The following TENM2 variants were observed in gnomAD, a reference collection of about 807,000 sequenced individuals.
TENM2 encodes the protein teneurin transmembrane protein 2.
In TENM2, 52 loss-of-function variants were observed where a neutral mutation model predicts 245.2. The ratio of observed to expected loss-of-function variants is 0.21; its 90% CI spans 0.17 to 0.27. The LOEUF (loss-of-function observed/expected upper bound fraction) is 0.27. Ranked by LOEUF, TENM2 falls within the 10% of genes least tolerant of loss-of-function variation. TENM2 has a pLI of 1.00. For synonymous variants in TENM2, 1,363 were observed against 1,438.9 expected (o/e 0.95, Z 1.19); for missense variants, 3,046 against 3,666.8 (o/e 0.83, Z 4.37).
At chr5:167,558,892 A>C (rs1276879779) in intron 2 of TENM2, among the ~76,000 whole-genome samples, 3 of 152,122 alleles carry the variant, frequency 2.0e-5, no homozygotes, top group Non-Finnish European at 4.4e-5. Flanking sequence ...AAAAAAAAAA[A>C]AAACTGAGTA....
the TENM2 span, among the ~76,000 whole-genome samples, chr5:167,215,524 T>C: frequency 6.6e-6 from 1 of 152,158 alleles, no homozygotes; most frequent in Admixed American, 6.5e-5. Context: ...AGCAACCATA[T>C]ACTGAGCCTG....
At chr5:167,351,856 A>C (rs543083784) in intron 1 of TENM2, among the ~76,000 whole-genome samples, 121 of 151,630 alleles carry the variant, frequency 8.0e-4, no homozygotes, top group Non-Finnish European at 1.1e-3. Flanking sequence ...AAAAAAACAA[A>C]AAAAAAAATA....
chr5:167,457,508 C>T lies in TENM2; in HGVS notation c.502+82035C>T, dbSNP rs146259685. 6.7e-3 allele frequency among the ~76,000 whole-genome samples: 1,018 copies of T among 151,836 alleles called. 10 individuals carry two copies. Among genetic ancestry groups the T allele is most frequent in the African/African-American group, 0.023 (967 of 41,416 alleles). On this transcript the variant is annotated intron_variant, in intron 2 of 28. Coordinates refer to ENST00000518659, the Ensembl canonical transcript of TENM2. ...CATGGGTGGCATGCGCCACCATGCC[C>T]GGGTAATTTTGTATTTTTAGTAGAG... is the stretch of plus-strand genomic sequence containing the variant.
chr5:167,787,159 G>T (rs933952129), intron 2 of TENM2, among the ~76,000 whole-genome samples: 4 of 152,176 alleles, frequency 2.6e-5, no homozygotes, highest in Non-Finnish European at 1.5e-5. Context: ...ACACTCAGGA[G>T]ATGGGGGGAC....
At chr5:168,061,853 G>C (rs976367400) in intron 6 of TENM2, among the ~76,000 whole-genome samples, 1 of 152,132 alleles carries the variant, frequency 6.6e-6, no homozygotes. Flanking sequence ...ATTGTGCCAA[G>C]ATTTCGGATG....
chr5:167,875,096 G>A (rs144296615), intron 2 of TENM2, among the ~76,000 whole-genome samples: 4 of 152,296 alleles, frequency 2.6e-5, no homozygotes, highest in African/African-American at 9.6e-5. Flanking sequence ...TGCAGGGGGT[G>A]AATAAAATAA....
intron 2 of TENM2, among the ~76,000 whole-genome samples, chr5:167,549,980 G>T (rs1056686849): frequency 6.6e-6 from 1 of 152,144 alleles, no homozygotes; most frequent in Non-Finnish European, 1.5e-5. Context: ...GAATTGAGAG[G>T]ATTTTGTGCT....
chr5:167,094,623 T>G, the TENM2 span, among the ~76,000 whole-genome samples: 1 of 152,220 alleles, frequency 6.6e-6, no homozygotes, highest in East Asian at 1.9e-4. Flanking sequence ...ACAAAAGTCC[T>G]CTAAATTGAT....
chr5:167,122,642 A>G, the TENM2 span, among the ~76,000 whole-genome samples: 1 of 152,216 alleles, frequency 6.6e-6, no homozygotes, highest in Non-Finnish European at 1.5e-5. Flanking sequence ...ACTCAAATGA[A>G]TGACTAATGG....
chr5:168,181,543 G>C (rs1349103409), intron 13 of TENM2, among the ~76,000 whole-genome samples: 1 of 152,196 alleles, frequency 6.6e-6, no homozygotes, highest in Non-Finnish European at 1.5e-5. Flanking sequence ...AGAAAGGCCA[G>C]AAGGTGCTTT....
intron 2 of TENM2, among the ~76,000 whole-genome samples, chr5:167,843,886 T>A (rs1377977082): frequency 6.6e-6 from 1 of 152,212 alleles, no homozygotes; most frequent in Non-Finnish European, 1.5e-5. Flanking sequence ...CTTTGTGTTA[T>A]CAAGCTCTGA....
chr5:167,098,903 A>G, the TENM2 span, among the ~76,000 whole-genome samples: 1 of 152,236 alleles, frequency 6.6e-6, no homozygotes, highest in Non-Finnish European at 1.5e-5. Context: ...TACTTGCTAC[A>G]GTGCAGATTT....
chr5:167,161,504 T>G, the TENM2 span, among the ~76,000 whole-genome samples: 1 of 152,220 alleles, frequency 6.6e-6, no homozygotes, highest in Non-Finnish European at 1.5e-5. Flanking sequence ...GACTGTAATG[T>G]AAGTTATTGT....
chr5:166,981,241 T>G, the TENM2 span, among the ~76,000 whole-genome samples: 7 of 152,122 alleles, frequency 4.6e-5, no homozygotes, highest in Non-Finnish European at 7.4e-5. Flanking sequence ...ATAAGGCATT[T>G]TATTTAGAAT....
chr5:167,229,913 G>T, the TENM2 span, among the ~76,000 whole-genome samples: 1 of 152,196 alleles, frequency 6.6e-6, no homozygotes, highest in Non-Finnish European at 1.5e-5. Context: ...CTAGGACATT[G>T]GGTTCACTTT....
intron 2 of TENM2, among the ~76,000 whole-genome samples, chr5:167,611,665 T>A (rs1429761912): frequency 6.6e-6 from 1 of 152,124 alleles, no homozygotes; most frequent in African/African-American, 2.4e-5. Context: ...AAACAACAGA[T>A]GTTTGTTTTT....
chr5:167,758,022 A>G (rs1762421734), intron 2 of TENM2, among the ~76,000 whole-genome samples: 2 of 152,144 alleles, frequency 1.3e-5, no homozygotes, highest in Admixed American at 6.5e-5. Flanking sequence ...GCATCTGTCA[A>G]TACATAAGTG....
chr5:168,157,962 GC>G (rs1757334925), intron 12 of TENM2, among the ~76,000 whole-genome samples: 1 of 152,056 alleles, frequency 6.6e-6, no homozygotes, highest in African/African-American at 2.4e-5. Flanking sequence ...TCACTCTGTC[GC>G]CTAGACTAGA....
chr5:167,774,859 C>G (rs1161819268), intron 2 of TENM2, among the ~76,000 whole-genome samples: 1 of 152,190 alleles, frequency 6.6e-6, no homozygotes, highest in East Asian at 1.9e-4. Context: ...TTAAAACTGT[C>G]TATGTCCATG....
Sources: gnomAD v4.1 joint callset for allele counts (sites outside exome capture counted in the v4.1 genomes callset) on GRCh38, gnomAD v4.1.1 for gene constraint, MANE v1.5 for transcripts, NCBI Gene and HGNC (gene_info 2026-07-23, HGNC 2026-07-21) for gene names.